The following DNAH6 variants were observed in gnomAD, a reference collection of about 807,000 sequenced individuals.
The protein encoded by DNAH6 is axonemal beta dynein heavy chain 6.
Under a neutral mutation model 491.4 loss-of-function variants are expected in DNAH6, and 340 were observed. The observed-to-expected ratio is 0.69, with a 90% CI of 0.63 to 0.76. The LOEUF is 0.76. Among genes scored for constraint, DNAH6 ranks in the 30% least tolerant of loss-of-function variants. DNAH6 has a pLI of 0.00. For missense variants in DNAH6, 4,443 were observed against 4,972.2 expected (o/e 0.89, Z 3.20); for synonymous variants, 1,603 against 1,686.1 (o/e 0.95, Z 1.21).
rs1486227260 is a variant in DNAH6 at position 84,630,477 on chromosome 2, G to T, written c.4516-4027G>T. 2.6e-5 allele frequency among the ~76,000 whole-genome samples: 4 copies of T among 152,216 alleles called. No individual in the cohort carries two copies. In the East Asian group the frequency reaches 7.7e-4, roughly 29 times the overall value. ...AGAAGTACAGGTGTATGAGATAAAG[G>T]ACCATGTTAACACCACAAGAATACA... On this transcript the variant is annotated intron_variant, in intron 29 of 76. Transcript: ENST00000389394.
intron 75 of DNAH6, among the ~76,000 whole-genome samples, chr2:84,815,352 G>A (rs1424909808): frequency 2.6e-5 from 4 of 151,344 alleles, no homozygotes; most frequent in Non-Finnish European, 5.9e-5. Context: ...GTTTGAGGAA[G>A]GATGACTCAG....
At chr2:84,646,624 G>A (rs1269130120) in intron 33 of DNAH6, among the ~76,000 whole-genome samples, 2 of 152,208 alleles carry the variant, frequency 1.3e-5, no homozygotes, top group Non-Finnish European at 2.9e-5. Context: ...GAAAGTTTTA[G>A]TGGTCTGGAT....
At chr2:84,704,003 C>T (rs747693865) in intron 50 of DNAH6, 64 bp from the exon 51 acceptor site, 3 of 1,269,762 alleles carry the variant, frequency 2.4e-6, no homozygotes, top group Admixed American at 2.2e-5. Flanking sequence ...CTATTATTGG[C>T]TTTGTTTTGA....
intron 21 of DNAH6, among the ~76,000 whole-genome samples, 168 bp from the exon 22 acceptor site, chr2:84,611,506 G>A (rs1361544774): frequency 6.6e-6 from 1 of 152,058 alleles, no homozygotes; most frequent in African/African-American, 2.4e-5. Flanking sequence ...TCAGACTAAG[G>A]TGAATCTTGG....
intron 18 of DNAH6, among the ~76,000 whole-genome samples, chr2:84,596,400 T>G (rs865876531): frequency 6.6e-6 from 1 of 152,266 alleles, no homozygotes; most frequent in African/African-American, 2.4e-5. Flanking sequence ...CTCGGCTCAC[T>G]GCAACCTCGG....
rs79227113 is a variant in DNAH6, at chr2:84,695,555, G to A, written c.7524+1075G>A. Among the ~76,000 whole-genome samples the A allele has an allele frequency of 5.5e-3, 838 of 152,176 alleles. 9 individuals carry two copies. The highest frequency in any genetic ancestry group is 0.019 in the African/African-American group (792 of 41,560). ...AATGTTTTTAAATAATAATCTGAGAGAGTATTAATGTCCAGTGAGAGAAAG... is the reference window on the plus strand; with the variant it reads ...AATGTTTTTAAATAATAATCTGAGAAAGTATTAATGTCCAGTGAGAGAAAG... On this transcript the variant is annotated intron_variant, in intron 46 of 76. Transcript: ENST00000389394.
rs183664921 is a variant in DNAH6, at chr2:84,593,463, C to T, written c.2611-509C>T. 6.6e-5 allele frequency among the ~76,000 whole-genome samples: 10 copies of T among 152,320 alleles called. No individual in the cohort carries two copies. The East Asian group carries it at 1.9e-3, about 29-fold the overall frequency. ...TTCTTCAGATTTTCTTGCACCCTTCCTCTCCATGGGGTTCATATAAAGTCG... is the reference window on the plus strand; with the variant it reads ...TTCTTCAGATTTTCTTGCACCCTTCTTCTCCATGGGGTTCATATAAAGTCG... On this transcript the variant is annotated intron_variant, in intron 16 of 76. Transcript: ENST00000389394.
chr2:84,622,228 A>C (rs966181399), intron 26 of DNAH6, among the ~76,000 whole-genome samples: 6 of 152,164 alleles, frequency 3.9e-5, no homozygotes, highest in Non-Finnish European at 8.8e-5. Flanking sequence ...CATTTAGCTT[A>C]ATATCCTCCA....
chr2:84,494,028 A>G, the DNAH6 span, among the ~76,000 whole-genome samples: 10 of 152,222 alleles, frequency 6.6e-5, no homozygotes, highest in Non-Finnish European at 1.5e-4. Context: ...AAGGCAAGAC[A>G]GAATGGACAG....
intron 39 of DNAH6, 26 bp downstream of exon 39, chr2:84,670,501 C>G: frequency 7.1e-7 from 1 of 1,407,466 alleles, no homozygotes; most frequent in Non-Finnish European, 9.6e-7. Flanking sequence ...TTAGTTTGTC[C>G]CACACAAATT....
rs565144255 is a variant in DNAH6, at chr2:84,735,240, T to C, written c.10342+1661T>C. On this transcript the variant is annotated intron_variant, in intron 62 of 76. Coordinates refer to ENST00000389394, the MANE Select transcript of DNAH6 (RefSeq NM_001370.2). ...GTAAAGGACGTAATGTCATTCTTTC[T>C]ATGGTTGCATAGTATTCCATGTGTA... Among the ~76,000 whole-genome samples, 19 of 152,370 alleles carry C rather than the reference T, an allele frequency of 1.2e-4. 2 individuals are homozygous for C. In the South Asian group the frequency reaches 3.5e-3, roughly 28 times the overall value.
intron 11 of DNAH6, among the ~76,000 whole-genome samples, chr2:84,571,300 A>G (rs1428208860): frequency 3.3e-5 from 5 of 152,182 alleles, no homozygotes; most frequent in Admixed American, 6.5e-5. Context: ...ATAATAAGAA[A>G]TGGGTTATTT....
chr2:84,707,841 T>G lies in DNAH6; in HGVS notation c.9048+125T>G, dbSNP rs867665054. The G allele has an allele frequency of 9.8e-6, 7 of 711,576 alleles. No homozygotes were observed. In the African/African-American group the frequency reaches 1.1e-4, roughly 11 times the overall value. 44.1% of individuals were successfully genotyped at this position (711,576 alleles called of 1,614,324 possible). Reference sequence around the variant, plus strand: ...AGAGGTTCTTCATGGTGGAATTTCTTTATATATTTCACAGCGCTTCACTCC... The same window carrying G: ...AGAGGTTCTTCATGGTGGAATTTCTGTATATATTTCACAGCGCTTCACTCC... On this transcript the variant is annotated intron_variant, in intron 54 of 76. Coordinates refer to ENST00000389394, the MANE Select transcript of DNAH6 (RefSeq NM_001370.2).
intron 31 of DNAH6, among the ~76,000 whole-genome samples, chr2:84,638,765 G>T (rs1342812698): frequency 6.6e-6 from 1 of 152,152 alleles, no homozygotes; most frequent in Non-Finnish European, 1.5e-5. Flanking sequence ...TTGGCTCATG[G>T]TTCTGCAGGC....
chr2:84,810,797 G>A (rs557598184), intron 72 of DNAH6, among the ~76,000 whole-genome samples: 9 of 152,294 alleles, frequency 5.9e-5, no homozygotes, highest in African/African-American at 1.2e-4. Flanking sequence ...TGTAGGCTTC[G>A]AGCCATAGGA....
At position 84,637,191 on chromosome 2, in the gene DNAH6, A is replaced by G; in HGVS notation, c.4654-19A>G. 1 of 1,521,064 alleles carries G rather than the reference A, an allele frequency of 6.6e-7. No homozygotes were observed. The highest frequency in any genetic ancestry group is 1.3e-5 in the South Asian group (1 of 79,224). 94.2% of individuals were successfully genotyped at this position (1,521,064 alleles called of 1,614,324 possible). A position where few individuals can be genotyped will look rare whatever the true frequency, so the allele number is the denominator to read the frequency against. Reference sequence around the variant, plus strand: ...CAAGTGTCTGGAAGAGTGTTAACTTATATTTTATCTTCGAACAGCTCTCTA... The same window carrying G: ...CAAGTGTCTGGAAGAGTGTTAACTTGTATTTTATCTTCGAACAGCTCTCTA... On this transcript the variant is annotated intron_variant, in intron 30 of 76. Transcript: ENST00000389394.
In DNAH6 at chr2:84,595,727, G is replaced by T. The variant is rs935733226; in HGVS notation, c.2806G>T (p.Gly936Cys). The T allele has an allele frequency of 6.4e-7, 1 of 1,551,246 alleles. No homozygotes were observed. Among genetic ancestry groups the T allele is most frequent in the Admixed American group, 2.0e-5 (1 of 50,930 alleles). Reference protein sequence around the residue: ...YAKFVTQLEKGLPPNSVVPQL... With the variant: ...YAKFVTQLEKCLPPNSVVPQL... ...TAAATTTGTGACTCAACTGGAAAAA[G>T]GCTTGCCACCCAACAGTGTAGTGCC... The change falls in exon 18 of 77, where the codon GGC (glycine) becomes TGC (cysteine). Residue 936 changes from glycine (G) to cysteine (C), a missense_variant. This residue lies in a region of DNAH6 where 2,977 missense variants were observed against 3,296.6 expected (regional missense o/e 0.90). Transcript: ENST00000389394.
chr2:84,492,094 A>T, the DNAH6 span, among the ~76,000 whole-genome samples: 25 of 152,144 alleles, frequency 1.6e-4, no homozygotes, highest in African/African-American at 6.0e-4. Flanking sequence ...TTTAAAATAG[A>T]CCCCATCTTG....
rs186889514 is a variant in DNAH6 at position 84,548,190 on chromosome 2, T to C, written c.1187-98T>C. 31 of 1,323,428 alleles carry C rather than the reference T, an allele frequency of 2.3e-5. No individual in the cohort carries two copies. The Admixed American group carries it at 7.1e-4, about 30-fold the overall frequency. The allele number at this position is 1,323,428 out of a possible 1,614,324, so 82.0% of individuals were successfully genotyped here. A position where few individuals can be genotyped will look rare whatever the true frequency, so the allele number is the denominator to read the frequency against. ...TTGCTTCGTGTACCAAAATATTTTG[T>C]TGTTTTTGAATTTTGTTTATCTTTT... is the stretch of plus-strand genomic sequence containing the variant. On this transcript the variant is annotated intron_variant, in intron 7 of 76. Coordinates refer to ENST00000389394, the MANE Select transcript of DNAH6 (RefSeq NM_001370.2).
Sources: allele counts gnomAD v4.1 joint callset (sites outside exome capture counted in the v4.1 genomes callset), GRCh38; gene constraint gnomAD v4.1.1; regional missense constraint gnomAD v4.1.1; transcripts MANE v1.5; gene names NCBI Gene and HGNC (gene_info 2026-07-23, HGNC 2026-07-21).